Variants in FRMPD4 observed in about 807,000 individuals in gnomAD.
FRMPD4 encodes the protein FERM and PDZ domain-containing protein 4.
A neutral mutation model predicts 94.1 loss-of-function variants in FRMPD4; 22 were observed. The observed-to-expected ratio is 0.23, with a 90% confidence interval of 0.17 to 0.33. The LOEUF (loss-of-function observed/expected upper bound fraction) is 0.33. Ranked by LOEUF, FRMPD4 falls within the 10% of genes least tolerant of loss-of-function variation. The probability of loss-of-function intolerance (pLI) is 1.00; values close to 1 mark genes in which losing one functional copy is unlikely to be tolerated. For missense variants in FRMPD4, 1,111 were observed against 1,339.9 expected, an observed-to-expected ratio of 0.83 and a Z score of 2.67; for synonymous variants, 631 against 548.6, an observed-to-expected ratio of 1.15 and a Z score of -2.10.
At chrX:11,959,024 A>AG (rs1291886238) in intron 3 of FRMPD4, among the ~76,000 whole-genome samples, 1 of 112,581 alleles carries the variant, frequency 8.9e-6, no homozygotes. Context: ...CAAAAATCAC[A>AG]GTGAGGGTGT....
At chrX:12,436,092 G>A (rs1031300412) in intron 1 of FRMPD4, among the ~76,000 whole-genome samples, 2 of 110,972 alleles carry the variant, frequency 1.8e-5, no homozygotes, top group African/African-American at 3.3e-5. Context: ...TGCAACCTCC[G>A]CCTCCCGGGT....
intron 4 of FRMPD4, among the ~76,000 whole-genome samples, chrX:12,622,015 A>AAAGAAAGAAAGGAAGGAAGG (rs1398888625): frequency 1.8e-4 from 4 of 22,002 alleles, no homozygotes; most frequent in Admixed American, 1.6e-3. Context: ...AGAAAGAAAG[A>AAAGAAAGAAAGGAAGGAAGG]AAGGAAGGAA....
rs764718007 is a variant in FRMPD4 at position 12,692,314 on chromosome X, TAGAAA to T, written c.813+1995_813+1999del. Among the ~76,000 whole-genome samples the T allele has an allele frequency of 9.9e-4, 111 of 112,481 alleles. 1 individual carries two copies. The highest frequency in any genetic ancestry group is 3.4e-3 in the African/African-American group (105 of 30,993). On this transcript the variant is annotated intron_variant, in intron 8 of 16. Coordinates refer to ENST00000675598, the MANE Select transcript of FRMPD4 (RefSeq NM_001368397.1). ...AATCAAGTGAAGTGCTAAAAATCTC[TAGAAA>T]AGAAAACGGATTTAAATATCCTGAA...
chrX:12,701,227 C>T (rs1345110847), intron 9 of FRMPD4, among the ~76,000 whole-genome samples: 1 of 109,526 alleles, frequency 9.1e-6, no homozygotes, highest in Non-Finnish European at 1.9e-5. Flanking sequence ...CACACACCAC[C>T]ATGCCCAGCT....
At chrX:11,946,179 C>A (rs920084831) in intron 3 of FRMPD4, among the ~76,000 whole-genome samples, 1 of 111,563 alleles carries the variant, frequency 9.0e-6, no homozygotes, top group African/African-American at 3.3e-5. Context: ...CATGTGAGGT[C>A]ATGTCTAATC....
chrX:12,134,816 A>G (rs1022522629), upstream of FRMPD4, among the ~76,000 whole-genome samples: 1 of 112,580 alleles, frequency 8.9e-6, no homozygotes, highest in Non-Finnish European at 1.9e-5. Flanking sequence ...TTTTCCTACC[A>G]GTACTGCCAA....
At chrX:12,017,398 C>T (rs1212902773) in intron 3 of FRMPD4, among the ~76,000 whole-genome samples, 1 of 112,450 alleles carries the variant, frequency 8.9e-6, no homozygotes, top group Non-Finnish European at 1.9e-5. Context: ...ACTGGTTATT[C>T]CCTGGAATCT....
chrX:12,589,879 G>A (rs1018177771), intron 2 of FRMPD4, among the ~76,000 whole-genome samples: 7 of 111,661 alleles, frequency 6.3e-5, no homozygotes, highest in Non-Finnish European at 1.3e-4. Context: ...GCAAAGCTCC[G>A]TAGCAGAAAT....
rs201499374 is a variant in FRMPD4 at position 12,717,049 on chromosome X, G to A, written c.2590G>A (p.Gly864Arg). 34 of 1,208,970 alleles carry A rather than the reference G, an allele frequency of 2.8e-5. No homozygotes were observed. The East Asian group carries it at 7.7e-4, about 27-fold the overall frequency. ...CAGCGCCGAAGGCAAGTGTGAGAAG[G>A]GACTGGATAATGCCGTCGTCTCCAC... ...PTSAEGKCEKGLDNAVVSTLG... is the reference protein window; with the variant it reads ...PTSAEGKCEKRLDNAVVSTLG... Residue 864 changes from glycine to arginine, a missense_variant, in exon 15 of 17, where the codon GGA becomes AGA. Coordinates refer to ENST00000675598, the MANE Select transcript of FRMPD4 (RefSeq NM_001368397.1).
At chrX:12,342,919 TCA>T (rs778775673) in intron 1 of FRMPD4, among the ~76,000 whole-genome samples, 2 of 111,942 alleles carry the variant, frequency 1.8e-5, no homozygotes, top group Non-Finnish European at 3.8e-5. Flanking sequence ...TTGCCCAACA[TCA>T]CATAGCCAGT....
intron 3 of FRMPD4, among the ~76,000 whole-genome samples, chrX:11,961,447 G>T (rs5935207): frequency 8.9e-6 from 1 of 112,191 alleles, no homozygotes; most frequent in African/African-American, 3.2e-5. Context: ...TCAGTCCCAA[G>T]GAATCTAGAA....
chrX:12,609,818 G>A lies in FRMPD4; in HGVS notation c.256G>A (p.Val86Met), dbSNP rs777298007. 6.7e-5 allele frequency: 81 copies of A among 1,211,004 alleles called. No individual in the cohort carries two copies. The highest frequency in any genetic ancestry group is 2.3e-4 in the Middle Eastern group (1 of 4,354). ...PRKVEMRRDP[V>M]LGFGFVAGSE... ...GAAGGTGGAGATGAGAAGGGACCCCGTGCTGGGATTTGGTTTTGTGGCAGG... is the reference window on the plus strand; with the variant it reads ...GAAGGTGGAGATGAGAAGGGACCCCATGCTGGGATTTGGTTTTGTGGCAGG... The change falls in exon 3 of 17, where the codon GTG becomes ATG. Residue 86 changes from valine to methionine, a missense_variant. Val to Met is a conservative substitution (Grantham distance 21). Coordinates refer to ENST00000675598, the MANE Select transcript of FRMPD4 (RefSeq NM_001368397.1).
At chrX:12,173,273 A>AT (rs1288458036) in intron 1 of FRMPD4, among the ~76,000 whole-genome samples, 1 of 112,137 alleles carries the variant, frequency 8.9e-6, no homozygotes. Flanking sequence ...GTAGTAGTAA[A>AT]TTAAATCCAG....
rs1007732210 is a variant in FRMPD4 at position 11,837,327 on chromosome X, A to G, written c.-161+14612A>G. On this transcript the variant is annotated intron_variant, in intron 1 of 18. Coordinates refer to the FRMPD4 transcript ENST00000640291. Reference sequence around the variant, plus strand: ...AAATACTAGTTGTCAATTCTTTAAGATAGGAGTCTTAAATATTTATGTTGA... The same window carrying G: ...AAATACTAGTTGTCAATTCTTTAAGGTAGGAGTCTTAAATATTTATGTTGA... 1.2e-4 allele frequency among the ~76,000 whole-genome samples: 13 copies of G among 111,679 alleles called. 1 individual carries two copies. The highest frequency in any genetic ancestry group is 2.9e-4 in the Admixed American group (3 of 10,499).
In FRMPD4 at chrX:12,498,667, TTTTC is replaced by T; in HGVS notation, c.42-9_42-6del. Reference sequence around the variant, plus strand: ...GTCAGGTGTAATGATGCTTTTTTTTTTTTCTTTTCCAGCCACAGGACGAAGTCTT... The same window carrying T: ...GTCAGGTGTAATGATGCTTTTTTTTTTTTTCCAGCCACAGGACGAAGTCTT... On this transcript the variant is annotated splice_polypyrimidine_tract_variant and intron_variant, in intron 1 of 16. Transcript: ENST00000675598. 9.6e-7 allele frequency: 1 copy of T among 1,043,116 alleles called. No homozygotes were observed. The highest frequency in any genetic ancestry group is 1.3e-6 in the Non-Finnish European group (1 of 745,600). The allele number at this position is 1,043,116 out of a possible 1,213,427, so 86.0% of individuals were successfully genotyped here.
chrX:12,310,952 TTA>T (rs1454895361), intron 1 of FRMPD4, among the ~76,000 whole-genome samples: 1 of 112,860 alleles, frequency 8.9e-6, no homozygotes, highest in Non-Finnish European at 1.9e-5. Flanking sequence ...TGACTTTATC[TTA>T]TAACTTCAGC....
At chrX:12,502,686 T>C (rs2057935994) in intron 2 of FRMPD4, among the ~76,000 whole-genome samples, 1 of 112,287 alleles carries the variant, frequency 8.9e-6, no homozygotes, top group African/African-American at 3.2e-5. Flanking sequence ...GACATACATA[T>C]AGATGATAGA....
intron 1 of FRMPD4, among the ~76,000 whole-genome samples, chrX:12,467,791 G>A (rs2083983176): frequency 8.9e-6 from 1 of 111,973 alleles, no homozygotes; most frequent in South Asian, 3.8e-4. Context: ...CATGCATGCT[G>A]TTCTACATAA....
rs145676166 is a variant in FRMPD4 at position 12,498,688 on chromosome X, C to G, written c.50C>G (p.Thr17Arg). 1.6e-5 allele frequency: 19 copies of G among 1,154,354 alleles called. No homozygotes were observed. The highest frequency in any genetic ancestry group is 2.2e-5 in the Non-Finnish European group (19 of 850,047). The change falls in exon 2 of 17, where the codon ACG becomes AGG. Residue 17 changes from threonine to arginine, a missense_variant. By Grantham distance (71) the Thr-to-Arg change is moderately conservative. Around this residue, in one of 8 missense-constraint regions of FRMPD4, gnomAD observed 140 missense variants for 165.9 expected, o/e 0.84. Coordinates refer to ENST00000675598, the MANE Select transcript of FRMPD4 (RefSeq NM_001368397.1). ...VKIAKLSSHRTKSSGWPPPSG... is the reference protein window; with the variant it reads ...VKIAKLSSHRRKSSGWPPPSG... ...TTTTTTTTCTTTTCCAGCCACAGGA[C>G]GAAGTCTTCAGGCTGGCCGCCTCCC... is the stretch of plus-strand genomic sequence containing the variant.
Sources: allele counts gnomAD v4.1 joint callset (sites outside exome capture counted in the v4.1 genomes callset), GRCh38; gene constraint gnomAD v4.1.1; regional missense constraint gnomAD v4.1.1; transcripts MANE v1.5; gene names NCBI Gene and HGNC (gene_info 2026-07-23, HGNC 2026-07-21).